Variants in CD3D observed in about 807,000 individuals in gnomAD.
CD3D encodes the protein CD3 delta subunit of T-cell receptor complex.
CD3D carries 22 observed loss-of-function variants against 22.0 expected under a neutral mutation model. That is an observed-to-expected ratio of 1.00 (90% confidence interval 0.71 to 1.43). The LOEUF is 1.43. CD3D is among the 40% of genes most tolerant of loss of function. The pLI is 0.00. For synonymous variants in CD3D, 74 were observed against 81.2 expected, an observed-to-expected ratio of 0.91 and a Z score of 0.48; for missense variants, 205 against 211.7, an observed-to-expected ratio of 0.97 and a Z score of 0.20.
chr11:118,342,517 C>T, intron 1 of CD3D, 36 bp downstream of exon 1: 1 of 1,593,546 alleles, frequency 6.3e-7, no homozygotes, highest in Non-Finnish European at 8.6e-7. Context: ...ATGTCCCTCT[C>T]AGGTCCCTTC....
intron 1 of CD3D, 55 bp from the exon 2 acceptor site, chr11:118,340,648 CT>C: frequency 7.8e-7 from 1 of 1,276,004 alleles, no homozygotes; most frequent in East Asian, 2.4e-5. Flanking sequence ...GCACCAAGCC[CT>C]TTGTTCTGCG....
Position 118,339,830 on chromosome 11 carries a change from G to A in CD3D, c.351C>T (p.Leu117=), listed in dbSNP as rs1460223429. ...CAAAGCAGAAGACTCCCAAAGCAAGGAGCAGAGTGGCAATGACATCAGTGA... is the reference window on the plus strand; with the variant it reads ...CAAAGCAGAAGACTCCCAAAGCAAGAAGCAGAGTGGCAATGACATCAGTGA... ...IIVTDVIATL[L]LALGVFCFAG... is the part of the protein sequence containing the mutation. The change falls in exon 3 of 5, where the codon CTC becomes CTT. Residue 117 remains leucine, a synonymous_variant. Coordinates refer to ENST00000300692, the MANE Select transcript of CD3D (RefSeq NM_000732.6). 1.9e-6 allele frequency: 3 copies of A among 1,613,786 alleles called. No individual in the cohort carries two copies. Among genetic ancestry groups the A allele is most frequent in the African/African-American group, 2.7e-5 (2 of 74,798 alleles).
intron 1 of CD3D, among the ~76,000 whole-genome samples, chr11:118,341,947 G>T (rs1458532423): frequency 6.6e-6 from 1 of 152,158 alleles, no homozygotes; most frequent in Admixed American, 6.5e-5. Context: ...AGTAGTGCAG[G>T]AAGCTGTGCT....
At chr11:118,341,272 GA>G (rs1948297763) in intron 1 of CD3D, among the ~76,000 whole-genome samples, 1 of 152,154 alleles carries the variant, frequency 6.6e-6, no homozygotes, top group South Asian at 2.1e-4. Flanking sequence ...AAATTTTATT[GA>G]ATCCATCCCT....
downstream of CD3D, chr11:118,339,021 G>C (rs542708200): frequency 2.9e-5 from 23 of 796,836 alleles, no homozygotes; most frequent in African/African-American, 3.9e-4. Context: ...TCCCAAGCAA[G>C]TCAGGACAAC....
intron 4 of CD3D, 25 bp from the exon 5 acceptor site, chr11:118,339,252 T>C: frequency 6.2e-7 from 1 of 1,606,098 alleles, no homozygotes; most frequent in Non-Finnish European, 8.5e-7. Context: ...GAGAAAACGG[T>C]CAGGAGGCAG....
chr11:118,340,021 G>A, intron 2 of CD3D, 115 bp from the exon 3 acceptor site: 1 of 1,255,376 alleles, frequency 8.0e-7, no homozygotes, highest in Admixed American at 1.8e-5. Context: ...ACTTCAATAA[G>A]ACCCTGGGAG....
intron 1 of CD3D, chr11:118,340,961 T>C (rs1192887801): frequency 1.4e-5 from 7 of 499,400 alleles, no homozygotes; most frequent in African/African-American, 5.8e-5. Context: ...AGAAGAACAT[T>C]CCTCGATTGG....
At chr11:118,340,687 T>A in intron 1 of CD3D, 94 bp from the exon 2 acceptor site, 1 of 895,612 alleles carries the variant, frequency 1.1e-6, no homozygotes. Context: ...GAGACCATTT[T>A]CCTGGTCCAG....
rs1262227887 is a variant in CD3D, at chr11:118,340,373, A to G, written c.274+2T>C. On this transcript the variant is annotated splice_donor_variant, in intron 2 of 4. Transcript: ENST00000300692. LOFTEE classifies it high-confidence loss of function. Reference sequence around the variant, plus strand: ...AACCCAAAGGGTTCAGGAAGCACGTACTTCGATAATGAACTTGCACGGTAG... The same window carrying G: ...AACCCAAAGGGTTCAGGAAGCACGTGCTTCGATAATGAACTTGCACGGTAG... 1.2e-6 allele frequency: 2 copies of G among 1,611,084 alleles called. No individual in the cohort carries two copies. Among genetic ancestry groups the G allele is most frequent in the Non-Finnish European group, 1.7e-6 (2 of 1,177,188 alleles).
Position 118,342,649 on chromosome 11 carries a change from A to C in CD3D, c.-42T>G, listed in dbSNP as rs1339694545. On this transcript the variant is annotated 5_prime_UTR_variant, in exon 1 of 5. Coordinates refer to ENST00000300692, the MANE Select transcript of CD3D (RefSeq NM_000732.6). ...TCCAGTAGATAAAGCCAGGTCACCG[A>C]ACTATCAGCCTGGGTGAGAGCTGCC... 1 of 1,582,494 alleles carries C rather than the reference A, an allele frequency of 6.3e-7. No homozygotes were observed. The highest frequency in any genetic ancestry group is 1.3e-5 in the African/African-American group (1 of 74,278).
Position 118,339,854 on chromosome 11 carries a change from G to A in CD3D, c.327C>T (p.Val109=), listed in dbSNP as rs574213085. 1.9e-6 allele frequency: 3 copies of A among 1,613,960 alleles called. No homozygotes were observed. The South Asian group carries it at 3.3e-5, about 18-fold the overall frequency. ...GGAGCAGAGTGGCAATGACATCAGTGACAATGATGCCAGCCACGGTGGCTG... is the reference window on the plus strand; with the variant it reads ...GGAGCAGAGTGGCAATGACATCAGTAACAATGATGCCAGCCACGGTGGCTG... The part of the protein sequence containing the change: ...LDPATVAGII[V]TDVIATLLLA... Residue 109 remains valine, a synonymous_variant, in exon 3 of 5, where the codon GTC becomes GTT. Transcript: ENST00000300692.
chr11:118,340,400 T>A lies in CD3D; in HGVS notation c.249A>T (p.Glu83Asp), dbSNP rs1948288805. 1 of 1,613,944 alleles carries A rather than the reference T, an allele frequency of 6.2e-7. No individual in the cohort carries two copies. Among genetic ancestry groups the A allele is most frequent in the South Asian group, 1.1e-5 (1 of 91,078 alleles). The change falls in exon 2 of 5, where the codon GAA becomes GAT. Residue 83 changes from glutamate to aspartate, a missense_variant. Coordinates refer to ENST00000300692, the MANE Select transcript of CD3D (RefSeq NM_000732.6). ...CNGTDIYKDKESTVQVHYRMC... is the reference protein window; with the variant it reads ...CNGTDIYKDKDSTVQVHYRMC... ...TTCGATAATGAACTTGCACGGTAGATTCTTTGTCCTTGTATATATCTGTCC... is the reference window on the plus strand; with the variant it reads ...TTCGATAATGAACTTGCACGGTAGAATCTTTGTCCTTGTATATATCTGTCC...
At chr11:118,341,611 G>A (rs1184086484) in intron 1 of CD3D, among the ~76,000 whole-genome samples, 1 of 152,104 alleles carries the variant, frequency 6.6e-6, no homozygotes, top group East Asian at 1.9e-4. Flanking sequence ...TCCTACAGTC[G>A]CGTCCTCTTC....
At chr11:118,339,310 G>A in intron 4 of CD3D, 83 bp from the exon 5 acceptor site, 2 of 1,502,696 alleles carry the variant, frequency 1.3e-6, no homozygotes, top group East Asian at 2.3e-5. Flanking sequence ...GACGATGAGA[G>A]CTCCTGCCTG....
intron 1 of CD3D, among the ~76,000 whole-genome samples, chr11:118,341,302 A>G (rs1294389950): frequency 6.6e-6 from 1 of 152,218 alleles, no homozygotes; most frequent in East Asian, 1.9e-4. Context: ...TCACAAGTCA[A>G]GTCTTGTGGG....
At chr11:118,339,522 G>A in intron 3 of CD3D, 28 bp from the exon 4 acceptor site, 1 of 1,613,898 alleles carries the variant, frequency 6.2e-7, no homozygotes, top group Non-Finnish European at 8.5e-7. Context: ...AGACATCAAT[G>A]GCCTAGCAGA....
At position 118,339,122 on chromosome 11, in the gene CD3D, A is replaced by T. The variant is rs760316469; in HGVS notation, c.*40T>A. On this transcript the variant is annotated 3_prime_UTR_variant, in exon 5 of 5. Transcript: ENST00000300692. ...TTGGCTGAGCAAGAAGGGAAGGTAC[A>T]GTTGGTAATGGCTGCTTCTAGAAGC... 2.6e-6 allele frequency: 4 copies of T among 1,530,700 alleles called. No individual in the cohort carries two copies. In the Admixed American group the frequency reaches 5.0e-5, roughly 19 times the overall value. 94.8% of individuals were successfully genotyped at this position (1,530,700 alleles called of 1,614,324 possible).
At chr11:118,340,913 G>C (rs906694784) in intron 1 of CD3D, 17 of 571,220 alleles carry the variant, frequency 3.0e-5, no homozygotes, top group Non-Finnish European at 4.6e-5. Context: ...AGTAGGGGGA[G>C]CACGGACCAC....
Sources: allele counts gnomAD v4.1 joint callset (sites outside exome capture counted in the v4.1 genomes callset), GRCh38; gene constraint gnomAD v4.1.1; transcripts MANE v1.5; gene names NCBI Gene and HGNC (gene_info 2026-07-23, HGNC 2026-07-21).